The following H6PD variants were observed in gnomAD, a reference collection of about 807,000 sequenced individuals.
The protein encoded by H6PD is hexose-6-phosphate dehydrogenase/glucose 1-dehydrogenase, also known as GDH/6PGL endoplasmic bifunctional protein.
A neutral mutation model predicts 61.2 loss-of-function variants in H6PD; 48 were observed. The ratio of observed to expected loss-of-function variants is 0.78; its 90% CI spans 0.62 to 1.00. H6PD has a LOEUF of 1.00. Ranked by LOEUF, H6PD falls within the 50% of genes least tolerant of loss-of-function variation. The pLI is 0.00. For missense variants in H6PD, 1,093 were observed against 1,065.0 expected, an observed-to-expected ratio of 1.03 and a Z score of -0.37; for synonymous variants, 480 against 457.9, an observed-to-expected ratio of 1.05 and a Z score of -0.62.
At chr1:9,262,594 G>C (rs1371384394) in intron 4 of H6PD, among the ~76,000 whole-genome samples, 1 of 152,230 alleles carries the variant, frequency 6.6e-6, no homozygotes, top group Non-Finnish European at 1.5e-5. Context: ...TGCTTCCCAA[G>C]GGTTTGTCGT....
In H6PD at chr1:9,264,326, G is replaced by C. The variant is rs151130360; in HGVS notation, c.1833G>C (p.Trp611Cys). The change falls in exon 5 of 5, where the codon TGG becomes TGC. Residue 611 changes from tryptophan (W) to cysteine (C), a missense_variant. By Grantham distance (215) the Trp-to-Cys change is radical. Coordinates refer to ENST00000377403, the MANE Select transcript of H6PD (RefSeq NM_004285.4). ...QLATAHYGFP[W>C]AHTHLWLVDE... Reference sequence around the variant, plus strand: ...CCACGGCGCACTATGGCTTCCCCTGGGCCCACACGCACCTGTGGCTGGTTG... The same window carrying C: ...CCACGGCGCACTATGGCTTCCCCTGCGCCCACACGCACCTGTGGCTGGTTG... 2.0e-5 allele frequency: 33 copies of C among 1,611,904 alleles called. No homozygotes were observed. Among genetic ancestry groups the C allele is most frequent in the Non-Finnish European group, 2.4e-5 (28 of 1,179,836 alleles).
intron 1 of H6PD, among the ~76,000 whole-genome samples, chr1:9,236,476 G>A (rs972334314): frequency 6.6e-6 from 1 of 152,188 alleles, no homozygotes; most frequent in Non-Finnish European, 1.5e-5. Context: ...TGCCAACATG[G>A]TGAAACCCCG....
At chr1:9,260,633 T>C (rs1180601750) in intron 3 of H6PD, among the ~76,000 whole-genome samples, 2 of 152,092 alleles carry the variant, frequency 1.3e-5, no homozygotes, top group Non-Finnish European at 2.9e-5. Context: ...ACGCCAATGT[T>C]GTTATGTTGC....
intron 1 of H6PD, among the ~76,000 whole-genome samples, chr1:9,241,954 G>A (rs1166146155): frequency 2.0e-5 from 3 of 152,158 alleles, no homozygotes; most frequent in South Asian, 2.1e-4. Context: ...TCTGGCACAC[G>A]CCGACTACTT....
intron 1 of H6PD, chr1:9,239,899 G>T: frequency 2.5e-6 from 2 of 811,214 alleles, no homozygotes; most frequent in Non-Finnish European, 3.3e-6. Context: ...GCTGTGCCGG[G>T]TCTGTATGGG....
chr1:9,270,407 T>C lies in H6PD; in HGVS notation c.*5538T>C, dbSNP rs1051996354. The stretch of plus-strand genomic sequence containing the variant: ...CCCCACAGAAGTCTAGAGGCGTCTG[T>C]TATAAAGCGTTACGGGGCGCCTGCA... On this transcript the variant is annotated 3_prime_UTR_variant, in exon 5 of 5. Transcript: ENST00000377403. 1 of 152,212 alleles carries C rather than the reference T, an allele frequency of 6.6e-6. No individual in the cohort carries two copies. The highest frequency in any genetic ancestry group is 2.4e-5 in the African/African-American group (1 of 41,428). The allele number at this position is 152,212 out of a possible 1,614,324, so 9.4% of individuals were successfully genotyped here.
At chr1:9,250,859 C>G (rs965821330) in intron 3 of H6PD, among the ~76,000 whole-genome samples, 1 of 152,224 alleles carries the variant, frequency 6.6e-6, no homozygotes, top group Non-Finnish European at 1.5e-5. Context: ...TTCCCCGGCT[C>G]CCTCCCCTCC....
At chr1:9,250,648 C>T (rs1641332653) in intron 3 of H6PD, among the ~76,000 whole-genome samples, 1 of 152,194 alleles carries the variant, frequency 6.6e-6, no homozygotes, top group African/African-American at 2.4e-5. Context: ...CTAGCTGACT[C>T]CTAGGCAGGA....
chr1:9,256,701 A>G (rs1275482960), intron 3 of H6PD, among the ~76,000 whole-genome samples: 1 of 152,224 alleles, frequency 6.6e-6, no homozygotes, highest in African/African-American at 2.4e-5. Flanking sequence ...AGGTAAATTT[A>G]AAGTTTACAG....
intron 3 of H6PD, among the ~76,000 whole-genome samples, chr1:9,260,329 A>G (rs1347137568): frequency 6.6e-6 from 1 of 150,444 alleles, no homozygotes; most frequent in Non-Finnish European, 1.5e-5. Context: ...TTGTTGTTAC[A>G]CCAGTGTTAT....
intron 3 of H6PD, among the ~76,000 whole-genome samples, chr1:9,257,173 C>T (rs1484142956): frequency 1.3e-5 from 2 of 150,894 alleles, no homozygotes; most frequent in African/African-American, 4.9e-5. Flanking sequence ...GGGTCTCATG[C>T]GGTGTTGTCC....
rs1638611729 is a variant in H6PD at position 9,267,618 on chromosome 1, G to A, written c.*2749G>A. On this transcript the variant is annotated 3_prime_UTR_variant, in exon 5 of 5. Transcript: ENST00000377403. ...GCAGAGTGGGTGTGGGAGTGTGGGT[G>A]AGGGTCGAAATGCCAAAGGTCTACT... 1 of 152,330 alleles carries A rather than the reference G, an allele frequency of 6.6e-6. No homozygotes were observed. Among genetic ancestry groups the A allele is most frequent in the African/African-American group, 2.4e-5 (1 of 41,452 alleles). 9.4% of individuals were successfully genotyped at this position (152,330 alleles called of 1,614,324 possible).
At chr1:9,263,026 C>A (rs1366546573) in intron 4 of H6PD, among the ~76,000 whole-genome samples, 2 of 152,188 alleles carry the variant, frequency 1.3e-5, no homozygotes, top group Non-Finnish European at 2.9e-5. Context: ...GCCAACACCC[C>A]ACCCACGGGC....
At chr1:9,258,034 C>T (rs1034024685) in intron 3 of H6PD, among the ~76,000 whole-genome samples, 3 of 152,246 alleles carry the variant, frequency 2.0e-5, no homozygotes, top group Non-Finnish European at 2.9e-5. Flanking sequence ...TCTGCCCCCG[C>T]GCCTGGTCAC....
At chr1:9,250,589 A>C (rs892316356) in intron 3 of H6PD, among the ~76,000 whole-genome samples, 4 of 151,896 alleles carry the variant, frequency 2.6e-5, no homozygotes, top group African/African-American at 9.7e-5. Flanking sequence ...TGCCCTGCCA[A>C]GGGTTCTGGT....
intron 3 of H6PD, among the ~76,000 whole-genome samples, chr1:9,260,389 T>C (rs982077223): frequency 4.6e-5 from 7 of 152,130 alleles, no homozygotes; most frequent in Non-Finnish European, 7.4e-5. Context: ...AGTGTTGTTA[T>C]GTTGCTGTTG....
chr1:9,263,642 A>G lies in H6PD; in HGVS notation c.1149A>G (p.Glu383=), dbSNP rs2100398462. The part of the protein sequence containing the change: ...FKNQACCVQS[E]KHWAAAQSQC... ...ACCAGGCCTGCTGTGTGCAGAGCGA[A>G]AAGCACTGGGCCGCGGCGCAGAGCC... The change falls in exon 5 of 5, where the codon GAA becomes GAG. Residue 383 remains glutamate, a synonymous_variant. Coordinates refer to ENST00000377403, the MANE Select transcript of H6PD (RefSeq NM_004285.4). 3.1e-6 allele frequency: 5 copies of G among 1,614,214 alleles called. No individual in the cohort carries two copies. Among genetic ancestry groups the G allele is most frequent in the Middle Eastern group, 1.6e-4 (1 of 6,062 alleles).
rs1238357768 is a variant in H6PD, at chr1:9,263,719, G to GC, written c.1229dup (p.Ala411CysfsTer86). The GC allele has an allele frequency of 6.2e-7, 1 of 1,613,976 alleles. No homozygotes were observed. The highest frequency in any genetic ancestry group is 1.1e-5 in the South Asian group (1 of 91,078). The stretch of plus-strand genomic sequence containing the variant: ...CACATCGGCCATGGCGACCTGGGCA[G>GC]CCCTGCCGTGCTGGTCAGCAGGAAC... On this transcript the variant is annotated frameshift_variant, in exon 5 of 5. Coordinates refer to ENST00000377403, the MANE Select transcript of H6PD (RefSeq NM_004285.4). LOFTEE classifies it high-confidence loss of function.
chr1:9,263,371 C>G (rs911919149), intron 4 of H6PD, 138 bp from the exon 5 acceptor site: 9 of 812,076 alleles, frequency 1.1e-5, no homozygotes, highest in Non-Finnish European at 1.9e-5. Context: ...AGATGCCAGG[C>G]GAGGGGTGAG....
Sources: gnomAD v4.1 joint callset for allele counts (sites outside exome capture counted in the v4.1 genomes callset) on GRCh38, gnomAD v4.1.1 for gene constraint, MANE v1.5 for transcripts, NCBI Gene and HGNC (gene_info 2026-07-23, HGNC 2026-07-21) for gene names.